FSTL5: variants seen among roughly 807,000 people sequenced by gnomAD.
FSTL5 encodes the protein follistatin-related protein 5.
In FSTL5, 62 loss-of-function variants were observed where a neutral mutation model predicts 89.1. The observed-to-expected ratio is 0.70, with a 90% CI of 0.57 to 0.86. The LOEUF (loss-of-function observed/expected upper bound fraction) is 0.86, where lower values mean the gene tolerates loss of function less well. Among genes scored for constraint, FSTL5 ranks in the 40% least tolerant of loss-of-function variants. The pLI is 0.00. For missense variants in FSTL5, 1,057 were observed against 1,001.6 expected (o/e 1.06, Z -0.75); for synonymous variants, 383 against 346.2 (o/e 1.11, Z -1.18).
intron 7 of FSTL5, among the ~76,000 whole-genome samples, chr4:161,621,495 A>T (rs933864954): frequency 1.3e-5 from 2 of 152,192 alleles, no homozygotes; most frequent in African/African-American, 4.8e-5. Context: ...CTCTCAACAA[A>T]GTTTTAGAAC....
Position 161,888,951 on chromosome 4 carries a change from C to T in FSTL5, c.409+31453G>A, listed in dbSNP as rs1196187365. ...TTTTTAAGCATTTCACAAAACATGG[C>T]AGGAGGATGGACATTCTTGTGTTGT... On this transcript the variant is annotated intron_variant, in intron 4 of 15. Transcript: ENST00000306100. 2.0e-5 allele frequency among the ~76,000 whole-genome samples: 3 copies of T among 152,080 alleles called. No homozygotes were observed. The East Asian group carries it at 5.8e-4, about 29-fold the overall frequency.
intron 3 of FSTL5, among the ~76,000 whole-genome samples, chr4:161,974,762 T>G (rs1267770887): frequency 7.3e-6 from 1 of 136,092 alleles, no homozygotes; most frequent in Non-Finnish European, 1.6e-5. Flanking sequence ...GGGATCTAAT[T>G]AAACTAAAGA....
chr4:161,387,854 T>C (rs1730699865), intron 15 of FSTL5: 1 of 152,040 alleles, frequency 6.6e-6, no homozygotes, highest in African/African-American at 2.4e-5. Context: ...AGGAGACTAT[T>C]TGCTGTCATT....
Position 161,925,288 on chromosome 4 carries a change from G to A in FSTL5, c.161-4636C>T, listed in dbSNP as rs1443606446. Among the ~76,000 whole-genome samples the A allele has an allele frequency of 5.3e-5, 8 of 151,624 alleles. No individual in the cohort carries two copies. In the East Asian group the frequency reaches 1.2e-3, roughly 22 times the overall value. Reference sequence around the variant, plus strand: ...ATTTACATACTCTAGAAATAGCCTCGGCTATACAAAATGCAAAAGAATTTT... The same window carrying A: ...ATTTACATACTCTAGAAATAGCCTCAGCTATACAAAATGCAAAAGAATTTT... On this transcript the variant is annotated intron_variant, in intron 3 of 15. Coordinates refer to ENST00000306100, the MANE Select transcript of FSTL5 (RefSeq NM_020116.5).
At chr4:161,821,669 T>C (rs1181173895) in intron 4 of FSTL5, among the ~76,000 whole-genome samples, 1 of 152,300 alleles carries the variant, frequency 6.6e-6, no homozygotes, top group East Asian at 1.9e-4. Context: ...ACATATGATA[T>C]TTGGTTTTTA....
At chr4:161,748,540 T>C (rs543459345) in intron 6 of FSTL5, among the ~76,000 whole-genome samples, 1 of 151,948 alleles carries the variant, frequency 6.6e-6, no homozygotes, top group South Asian at 2.1e-4. Context: ...TATATAAGGT[T>C]GTACAAGCTC....
intron 4 of FSTL5, among the ~76,000 whole-genome samples, chr4:161,880,128 T>A (rs774488943): frequency 6.6e-6 from 1 of 151,956 alleles, no homozygotes; most frequent in Non-Finnish European, 1.5e-5. Flanking sequence ...TGGCTAGGTG[T>A]GGGGGAGAAA....
intron 15 of FSTL5, among the ~76,000 whole-genome samples, chr4:161,427,943 T>A (rs1014615310): frequency 6.6e-5 from 10 of 152,204 alleles, no homozygotes; most frequent in African/African-American, 2.4e-4. Context: ...TCATTCTACC[T>A]ATTTTTAACT....
At chr4:162,099,086 C>G (rs553882188) in intron 2 of FSTL5, among the ~76,000 whole-genome samples, 1 of 152,130 alleles carries the variant, frequency 6.6e-6, no homozygotes, top group East Asian at 1.9e-4. Flanking sequence ...GCATACAACA[C>G]TTAATAATCA....
intron 8 of FSTL5, among the ~76,000 whole-genome samples, chr4:161,580,843 T>C (rs1436023257): frequency 6.6e-6 from 1 of 152,198 alleles, no homozygotes; most frequent in Non-Finnish European, 1.5e-5. Flanking sequence ...AACTAACTAA[T>C]AAGTAAAATC....
chr4:161,720,712 C>T (rs890790799), intron 6 of FSTL5, among the ~76,000 whole-genome samples: 1 of 152,090 alleles, frequency 6.6e-6, no homozygotes, highest in Non-Finnish European at 1.5e-5. Flanking sequence ...CACCATTTGC[C>T]ACAAAATGGA....
intron 8 of FSTL5, among the ~76,000 whole-genome samples, chr4:161,583,509 C>T (rs1733504758): frequency 6.6e-6 from 1 of 152,164 alleles, no homozygotes; most frequent in Admixed American, 6.5e-5. Flanking sequence ...TAGTTAATCC[C>T]TCACTGTTAA....
chr4:162,018,485 T>C (rs1481317869), intron 3 of FSTL5, among the ~76,000 whole-genome samples: 3 of 152,144 alleles, frequency 2.0e-5, no homozygotes, highest in African/African-American at 4.8e-5. Context: ...TTTTGCAGCA[T>C]ATTGTGTAAG....
chr4:161,883,217 A>G (rs1732689424), intron 4 of FSTL5, among the ~76,000 whole-genome samples: 1 of 152,158 alleles, frequency 6.6e-6, no homozygotes, highest in South Asian at 2.1e-4. Flanking sequence ...GTAATCTCTA[A>G]TCCATAAACT....
chr4:162,005,984 C>T (rs1432532432), intron 3 of FSTL5, among the ~76,000 whole-genome samples: 1 of 152,064 alleles, frequency 6.6e-6, no homozygotes, highest in Non-Finnish European at 1.5e-5. Flanking sequence ...TGTGTATGCA[C>T]ACACATTATA....
chr4:161,416,267 A>G (rs1318853553), intron 15 of FSTL5, among the ~76,000 whole-genome samples: 1 of 152,190 alleles, frequency 6.6e-6, no homozygotes, highest in East Asian at 1.9e-4. Flanking sequence ...ATCAGAATAA[A>G]CAATTCAGTT....
At chr4:162,124,687 G>C (rs1732000331) in intron 1 of FSTL5, among the ~76,000 whole-genome samples, 1 of 151,724 alleles carries the variant, frequency 6.6e-6, no homozygotes, top group African/African-American at 2.4e-5. Flanking sequence ...GCTTCTTTTA[G>C]GTCACTCCTT....
At chr4:161,634,102 G>C (rs1489815752) in intron 7 of FSTL5, among the ~76,000 whole-genome samples, 1 of 152,174 alleles carries the variant, frequency 6.6e-6, no homozygotes. Context: ...TATATCCCTA[G>C]ACAATTAAAT....
intron 2 of FSTL5, among the ~76,000 whole-genome samples, chr4:162,103,437 AT>A (rs1731082796): frequency 6.6e-6 from 1 of 152,198 alleles, no homozygotes; most frequent in Non-Finnish European, 1.5e-5. Flanking sequence ...GACCTCCAGT[AT>A]GTAATACATG....
Sources: allele counts gnomAD v4.1 joint callset (sites outside exome capture counted in the v4.1 genomes callset), GRCh38; gene constraint gnomAD v4.1.1; transcripts MANE v1.5; gene names NCBI Gene and HGNC (gene_info 2026-07-23, HGNC 2026-07-21).